The following KIF26B variants were observed in gnomAD, a reference collection of about 807,000 sequenced individuals.
KIF26B encodes the protein kinesin family member 26B.
Under a neutral mutation model 151.2 loss-of-function variants are expected in KIF26B, and 63 were observed. That is an observed-to-expected ratio of 0.42 (90% CI 0.34 to 0.51). The LOEUF (loss-of-function observed/expected upper bound fraction) is 0.51. Ranked by LOEUF, KIF26B falls within the 20% of genes least tolerant of loss-of-function variation. KIF26B has a pLI of 0.07. For missense variants in KIF26B, 2,813 were observed against 2,913.6 expected (o/e 0.97, Z 0.79); for synonymous variants, 1,357 against 1,262.1 (o/e 1.08, Z -1.59).
chr1:245,222,653 TAGC>T (rs1244439840), intron 2 of KIF26B, among the ~76,000 whole-genome samples: 1 of 152,170 alleles, frequency 6.6e-6, no homozygotes, highest in Non-Finnish European at 1.5e-5. Context: ...AGAATATTCA[TAGC>T]AGCACCACAG....
chr1:245,521,800 A>T (rs1035713237), intron 4 of KIF26B, among the ~76,000 whole-genome samples: 1 of 152,214 alleles, frequency 6.6e-6, no homozygotes, highest in African/African-American at 2.4e-5. Context: ...TCTTGTGAGG[A>T]AGACACAAAT....
chr1:245,548,513 G>A (rs1661802287), intron 5 of KIF26B, among the ~76,000 whole-genome samples: 1 of 152,132 alleles, frequency 6.6e-6, no homozygotes, highest in African/African-American at 2.4e-5. Context: ...CTGGCAAAGA[G>A]GAAACAGTGT....
chr1:245,244,027 G>T lies in KIF26B; in HGVS notation c.465+87344G>T, dbSNP rs574989164. Among the ~76,000 whole-genome samples, 12 of 152,248 alleles carry T rather than the reference G, an allele frequency of 7.9e-5. No homozygotes were observed. Among genetic ancestry groups the T allele is most frequent in the Non-Finnish European group, 1.8e-4 (12 of 68,020 alleles). On this transcript the variant is annotated intron_variant, in intron 2 of 14. Transcript: ENST00000407071. The surrounding 1 kb of genome is among the most constrained non-coding windows in gnomAD (Gnocchi z 4.2). ...TGATCATGGCTCACTGCAGTCTCCA[G>T]CTCCTCACTCAAGCAATCCTCTTGC... is the stretch of plus-strand genomic sequence containing the variant.
At chr1:245,262,514 C>T (rs1262061858) in intron 2 of KIF26B, among the ~76,000 whole-genome samples, 1 of 151,844 alleles carries the variant, frequency 6.6e-6, no homozygotes, top group Non-Finnish European at 1.5e-5. Flanking sequence ...AGTGCAATGG[C>T]GCGATCTTGG....
At chr1:245,267,646 A>G (rs991729524) in intron 2 of KIF26B, among the ~76,000 whole-genome samples, 27 of 90,950 alleles carry the variant, frequency 3.0e-4, no homozygotes, top group African/African-American at 5.2e-4. Context: ...ACACACACAC[A>G]CACACACACA....
intron 2 of KIF26B, among the ~76,000 whole-genome samples, chr1:245,188,369 G>A (rs1445147340): frequency 6.6e-6 from 1 of 151,578 alleles, no homozygotes; most frequent in East Asian, 1.9e-4. Context: ...GGCAGGAAGT[G>A]AGGCCAGTTT....
At chr1:245,406,508 G>A (rs1674138537) in intron 3 of KIF26B, among the ~76,000 whole-genome samples, 1 of 152,198 alleles carries the variant, frequency 6.6e-6, no homozygotes, top group Non-Finnish European at 1.5e-5. Flanking sequence ...TAGGCCCTGG[G>A]AAGGGACTGC....
rs1407072488 is a variant in KIF26B, at chr1:245,224,281, G to A, written c.465+67598G>A. On this transcript the variant is annotated intron_variant, in intron 2 of 14. Coordinates refer to ENST00000407071, the MANE Select transcript of KIF26B (RefSeq NM_018012.4). Reference sequence around the variant, plus strand: ...GCCTGGGCAACAAGAGCAAAACTCCGTCTCAAAGAAAAAAAAAAAAAATTC... The same window carrying A: ...GCCTGGGCAACAAGAGCAAAACTCCATCTCAAAGAAAAAAAAAAAAAATTC... Among the ~76,000 whole-genome samples the A allele has an allele frequency of 8.2e-5, 8 of 97,272 alleles. No individual in the cohort carries two copies. In the South Asian group the frequency reaches 1.4e-3, roughly 17 times the overall value. 63.8% of individuals were successfully genotyped at this position (97,272 alleles called of 152,430 possible). A position where few individuals can be genotyped will look rare whatever the true frequency, so the allele number is the denominator to read the frequency against.
In KIF26B at chr1:245,156,461, C is replaced by G; in HGVS notation, c.243C>G (p.Phe81Leu). The G allele has an allele frequency of 6.6e-7, 1 of 1,525,874 alleles. No homozygotes were observed. The highest frequency in any genetic ancestry group is 8.8e-7 in the Non-Finnish European group (1 of 1,140,444). 94.5% of individuals were successfully genotyped at this position (1,525,874 alleles called of 1,614,324 possible). A position where few individuals can be genotyped will look rare whatever the true frequency, so the allele number is the denominator to read the frequency against. Residue 81 changes from phenylalanine (F) to leucine (L), a missense_variant, in exon 2 of 15, where the codon TTC (phenylalanine) becomes TTG (leucine). Phe to Leu is a conservative substitution (Grantham distance 22). Transcript: ENST00000407071. ...PGSGTSSPSSFTGSPGPASPG... is the reference protein window; with the variant it reads ...PGSGTSSPSSLTGSPGPASPG... The stretch of plus-strand genomic sequence containing the variant: ...CGGGCACCTCGTCCCCGAGCTCGTT[C>G]ACCGGCTCCCCGGGACCCGCCTCCC...
At position 245,611,829 on chromosome 1, in the gene KIF26B, G is replaced by A. The variant is rs2043525189; in HGVS notation, c.1951G>A (p.Glu651Lys). The change falls in exon 9 of 15, where the codon GAG (glutamate) becomes AAG (lysine). Residue 651 changes from glutamate to lysine, a missense_variant. By Grantham distance (56) the Glu-to-Lys change is moderately conservative (BLOSUM62 1). Around this residue, in one of 3 missense-constraint regions of KIF26B, gnomAD observed 2,060 missense variants for 2,088.6 expected, o/e 0.99. Coordinates refer to ENST00000407071, the MANE Select transcript of KIF26B (RefSeq NM_018012.4). ...GAGCGAGCTGCGGGCCCCCACCGCA[G>A]AGAAGGCTGCCTTTTTCCTGGATGC... Reference protein sequence around the residue: ...NQSELRAPTAEKAAFFLDAAI... With the variant: ...NQSELRAPTAKKAAFFLDAAI... 11 of 1,613,750 alleles carry A rather than the reference G, an allele frequency of 6.8e-6. No individual in the cohort carries two copies. The highest frequency in any genetic ancestry group is 9.3e-6 in the Non-Finnish European group (11 of 1,179,880).
At chr1:245,335,239 A>G (rs1363702060) in intron 2 of KIF26B, among the ~76,000 whole-genome samples, 3 of 152,170 alleles carry the variant, frequency 2.0e-5, no homozygotes, top group Non-Finnish European at 4.4e-5. Flanking sequence ...GCCTGGGGCA[A>G]GGCTCAGCTG....
intron 2 of KIF26B, among the ~76,000 whole-genome samples, chr1:245,312,509 C>T (rs932819258): frequency 6.6e-6 from 1 of 151,958 alleles, no homozygotes; most frequent in African/African-American, 2.4e-5. Context: ...CTTTTCTTCT[C>T]CCCTAGGACA....
At chr1:245,446,122 C>T (rs1659243705) in intron 4 of KIF26B, among the ~76,000 whole-genome samples, 2 of 152,150 alleles carry the variant, frequency 1.3e-5, no homozygotes, top group South Asian at 2.1e-4. Flanking sequence ...CTGCACACCT[C>T]AGCTATATGA....
chr1:245,629,851 C>T (rs2043761701), intron 9 of KIF26B, among the ~76,000 whole-genome samples: 1 of 151,980 alleles, frequency 6.6e-6, no homozygotes, highest in Non-Finnish European at 1.5e-5. Flanking sequence ...ATCCATCTGA[C>T]AAGGGTCTAA....
intron 4 of KIF26B, among the ~76,000 whole-genome samples, chr1:245,427,177 T>A (rs1658667540): frequency 6.6e-6 from 1 of 152,210 alleles, no homozygotes; most frequent in South Asian, 2.1e-4. Context: ...GAGGAAAAAT[T>A]GAGCTGGGTG....
At chr1:245,453,877 G>A (rs141960249) in intron 4 of KIF26B, among the ~76,000 whole-genome samples, 12 of 152,216 alleles carry the variant, frequency 7.9e-5, no homozygotes, top group East Asian at 1.9e-4. Flanking sequence ...ACAGCCCAGC[G>A]TACTTCCATG....
At chr1:245,499,246 T>A (rs1660571535) in intron 4 of KIF26B, among the ~76,000 whole-genome samples, 1 of 142,812 alleles carries the variant, frequency 7.0e-6, no homozygotes, top group South Asian at 2.1e-4. Context: ...ATAATAGTGA[T>A]GTGTGTGTGT....
In KIF26B at chr1:245,688,841, G is replaced by C; in HGVS notation, c.5824+34G>C. On this transcript the variant is annotated intron_variant, in intron 12 of 14. Transcript: ENST00000407071. ...CTGGGCGCAGGGACGCGGGTGAGGA[G>C]GGCGGCAGGTGGGCGAGCTGCCCAA... 14 of 1,532,038 alleles carry C rather than the reference G, an allele frequency of 9.1e-6. 1 individual carries two copies. Among genetic ancestry groups the C allele is most frequent in the Non-Finnish European group, 1.2e-5 (14 of 1,137,140 alleles). The allele number at this position is 1,532,038 out of a possible 1,614,324, so 94.9% of individuals were successfully genotyped here. A position where few individuals can be genotyped will look rare whatever the true frequency, so the allele number is the denominator to read the frequency against.
At chr1:245,671,854 G>C (rs1393322002) in intron 10 of KIF26B, among the ~76,000 whole-genome samples, 1 of 152,186 alleles carries the variant, frequency 6.6e-6, no homozygotes, top group African/African-American at 2.4e-5. Flanking sequence ...GATGAGCACC[G>C]ATGCAGGAGA....
Sources: gnomAD v4.1 joint callset for allele counts (sites outside exome capture counted in the v4.1 genomes callset) on GRCh38, gnomAD v4.1.1 for gene constraint, gnomAD v4.1.1 regional missense constraint, Gnocchi (gnomAD v3.1) non-coding constraint, MANE v1.5 for transcripts, NCBI Gene and HGNC (gene_info 2026-07-23, HGNC 2026-07-21) for gene names.